FKBP9: variants seen among roughly 807,000 people sequenced by gnomAD.
The protein encoded by FKBP9 is FKBP prolyl isomerase 9.
A neutral mutation model predicts 55.6 loss-of-function variants in FKBP9; 27 were observed. The observed-to-expected ratio is 0.49, with a 90% confidence interval of 0.36 to 0.67. The LOEUF (loss-of-function observed/expected upper bound fraction) is 0.67. Among genes scored for constraint, FKBP9 ranks in the 30% least tolerant of loss-of-function variants. The pLI is 0.00. For missense variants in FKBP9, 539 were observed against 742.8 expected (o/e 0.73, Z 3.19); for synonymous variants, 267 against 296.5 (o/e 0.90, Z 1.02).
At chr7:32,974,504 T>C in intron 1 of FKBP9, 113 bp from the exon 2 acceptor site, 1 of 843,200 alleles carries the variant, frequency 1.2e-6, no homozygotes, top group Admixed American at 2.3e-5. Context: ...GGCAGGGTTT[T>C]TGCTTTGCTA....
intron 1 of FKBP9, among the ~76,000 whole-genome samples, chr7:32,969,132 C>T (rs1784205929): frequency 6.6e-6 from 1 of 151,870 alleles, no homozygotes; most frequent in Non-Finnish European, 1.5e-5. Context: ...TTTATATATT[C>T]TAGATATTAA....
At chr7:32,994,251 C>T (rs1309239807) in intron 6 of FKBP9, among the ~76,000 whole-genome samples, 1 of 152,176 alleles carries the variant, frequency 6.6e-6, no homozygotes, top group African/African-American at 2.4e-5. Flanking sequence ...TGTCCTCATC[C>T]ATCCACTTCC....
At position 32,975,559 on chromosome 7, in the gene FKBP9, T is replaced by C. The variant is rs185074113; in HGVS notation, c.557+188T>C. Among the ~76,000 whole-genome samples, 8 of 152,324 alleles carry C rather than the reference T, an allele frequency of 5.3e-5. No individual in the cohort carries two copies. In the East Asian group the frequency reaches 1.5e-3, roughly 29 times the overall value. The stretch of plus-strand genomic sequence containing the variant: ...ATCTTCTCTGGTGCCAGAGTCAAAA[T>C]TTTAATACATCTTAGAAACATTGAA... On this transcript the variant is annotated intron_variant, in intron 3 of 9. Transcript: ENST00000242209.
intron 1 of FKBP9, among the ~76,000 whole-genome samples, chr7:32,966,875 G>C (rs1028523192): frequency 6.6e-6 from 1 of 152,262 alleles, no homozygotes; most frequent in East Asian, 1.9e-4. Context: ...ATTCATCACC[G>C]AGGGGATGGC....
At position 33,006,344 on chromosome 7, in the gene FKBP9, G is replaced by A. The variant is rs1321541070; in HGVS notation, c.*993G>A. 3 of 195,064 alleles carry A rather than the reference G, an allele frequency of 1.5e-5. No individual in the cohort carries two copies. Among genetic ancestry groups the A allele is most frequent in the Admixed American group, 6.1e-5 (1 of 16,432 alleles). 12.1% of individuals were successfully genotyped at this position (195,064 alleles called of 1,614,324 possible). A position where few individuals can be genotyped will look rare whatever the true frequency, so the allele number is the denominator to read the frequency against. On this transcript the variant is annotated 3_prime_UTR_variant, in exon 10 of 10. Transcript: ENST00000242209. ...TGTTGGCCAGGATGGTCTCAATCTC[G>A]ACCTCGTGATCCGCCCACCTTGGCC... is the stretch of plus-strand genomic sequence containing the variant.
chr7:32,982,298 G>A (rs934254041), intron 5 of FKBP9, among the ~76,000 whole-genome samples: 1 of 152,130 alleles, frequency 6.6e-6, no homozygotes, highest in Non-Finnish European at 1.5e-5. Flanking sequence ...TGGGATTATA[G>A]TCATGAGCCA....
At chr7:32,971,925 A>G (rs1784261380) in intron 1 of FKBP9, among the ~76,000 whole-genome samples, 1 of 152,236 alleles carries the variant, frequency 6.6e-6, no homozygotes, top group South Asian at 2.1e-4. Context: ...GTGCCCAATA[A>G]ATAATAGATA....
rs1422712276 is a variant in FKBP9 at position 33,005,531 on chromosome 7, C to G, written c.*180C>G. The G allele has an allele frequency of 1.5e-6, 1 of 653,220 alleles. No homozygotes were observed. Among genetic ancestry groups the G allele is most frequent in the African/African-American group, 1.8e-5 (1 of 54,622 alleles). 40.5% of individuals were successfully genotyped at this position (653,220 alleles called of 1,614,324 possible). On this transcript the variant is annotated 3_prime_UTR_variant, in exon 10 of 10. Coordinates refer to ENST00000242209, the MANE Select transcript of FKBP9 (RefSeq NM_007270.5). ...TGATATATGGGGTGAGAAGTTTGGG[C>G]TGATCGCCAGTGATAGTAAACAAAA...
chr7:33,005,381 G>T lies in FKBP9; in HGVS notation c.*30G>T. On this transcript the variant is annotated 3_prime_UTR_variant, in exon 10 of 10. Coordinates refer to ENST00000242209, the MANE Select transcript of FKBP9 (RefSeq NM_007270.5). ...GGCATGAACCAGATGGTGCCAGGGAGTACGTGACACCAAGCCACCTGTGTG... is the reference window on the plus strand; with the variant it reads ...GGCATGAACCAGATGGTGCCAGGGATTACGTGACACCAAGCCACCTGTGTG... 1.2e-6 allele frequency: 2 copies of T among 1,610,892 alleles called. No homozygotes were observed. Among genetic ancestry groups the T allele is most frequent in the Non-Finnish European group, 8.5e-7 (1 of 1,177,730 alleles).
chr7:32,972,979 C>T (rs919006262), intron 1 of FKBP9, among the ~76,000 whole-genome samples: 1 of 152,224 alleles, frequency 6.6e-6, no homozygotes, highest in Non-Finnish European at 1.5e-5. Flanking sequence ...TCCTTGGCCT[C>T]CCAAAGTGCT....
chr7:32,966,971 A>G (rs1784157417), intron 1 of FKBP9, among the ~76,000 whole-genome samples: 1 of 152,120 alleles, frequency 6.6e-6, no homozygotes, highest in African/African-American at 2.4e-5. Flanking sequence ...TCCAAACCCT[A>G]TCAGGCATCA....
Position 32,968,708 on chromosome 7 carries a change from G to C in FKBP9, c.222-5909G>C, listed in dbSNP as rs141771777. On this transcript the variant is annotated intron_variant, in intron 1 of 9. Transcript: ENST00000242209. Reference sequence around the variant, plus strand: ...CTGCCTCAGTCCCCTGAGTAGCTGGGACTACAGGCATATGCCACCATGCCT... The same window carrying C: ...CTGCCTCAGTCCCCTGAGTAGCTGGCACTACAGGCATATGCCACCATGCCT... Among the ~76,000 whole-genome samples, 1,270 of 152,052 alleles carry C rather than the reference G, an allele frequency of 8.4e-3. 24 individuals are homozygous for C. The highest frequency in any genetic ancestry group is 0.029 in the African/African-American group (1,217 of 41,484).
chr7:32,964,026 T>G (rs4720089), intron 1 of FKBP9, among the ~76,000 whole-genome samples: 74,928 of 152,106 alleles, frequency 0.49, 20,885 homozygotes, highest in Non-Finnish European at 0.63. Context: ...CCTGACAGGG[T>G]CAGTGGTGTC....
intron 1 of FKBP9, among the ~76,000 whole-genome samples, chr7:32,973,021 A>G (rs1360649739): frequency 1.3e-5 from 2 of 152,104 alleles, no homozygotes; most frequent in Non-Finnish European, 2.9e-5. Context: ...CACGCCTGGC[A>G]TTGTAACCTG....
At chr7:32,994,764 A>G (rs2127987681) in intron 6 of FKBP9, among the ~76,000 whole-genome samples, 1 of 152,118 alleles carries the variant, frequency 6.6e-6, no homozygotes, top group East Asian at 1.9e-4. Context: ...AATGCCTGGT[A>G]CTCAATAAAC....
intron 1 of FKBP9, among the ~76,000 whole-genome samples, chr7:32,959,291 A>G (rs1028263286): frequency 4.6e-5 from 7 of 152,146 alleles, no homozygotes; most frequent in African/African-American, 1.7e-4. Context: ...TGTAATCCCA[A>G]CTACGCGGGA....
At chr7:32,980,620 A>T in intron 5 of FKBP9, 67 bp downstream of exon 5, 1 of 1,568,132 alleles carries the variant, frequency 6.4e-7, no homozygotes, top group Non-Finnish European at 8.7e-7. Context: ...CATTGGCTGG[A>T]CCATGATTTA....
chr7:32,968,624 G>C (rs1784194602), intron 1 of FKBP9, among the ~76,000 whole-genome samples: 1 of 151,094 alleles, frequency 6.6e-6, no homozygotes, highest in South Asian at 2.1e-4. Context: ...CCAGGCAGGA[G>C]TGCAATGGTG....
intron 1 of FKBP9, among the ~76,000 whole-genome samples, chr7:32,959,602 T>C (rs1164851819): frequency 1.3e-5 from 2 of 152,148 alleles, no homozygotes; most frequent in Non-Finnish European, 2.9e-5. Context: ...CCATTATCAG[T>C]CACTCCCCAA....
Sources: allele counts gnomAD v4.1 joint callset (sites outside exome capture counted in the v4.1 genomes callset), GRCh38; gene constraint gnomAD v4.1.1; transcripts MANE v1.5; gene names NCBI Gene and HGNC (gene_info 2026-07-23, HGNC 2026-07-21).